Variants in ATF7IP2 observed in about 807,000 individuals in gnomAD.
The protein encoded by ATF7IP2 is activating transcription factor 7 interacting protein 2.
Under a neutral mutation model 64.2 loss-of-function variants are expected in ATF7IP2, and 42 were observed. The ratio of observed to expected loss-of-function variants is 0.65; its 90% CI spans 0.51 to 0.85. ATF7IP2 has a LOEUF of 0.85. ATF7IP2 is among the 40% of genes least tolerant of loss of function. The pLI is 0.00. For synonymous variants in ATF7IP2, 308 were observed against 272.8 expected (o/e 1.13, Z -1.27); for missense variants, 933 against 784.2 (o/e 1.19, Z -2.27).
intron 1 of ATF7IP2, among the ~76,000 whole-genome samples, chr16:10,411,840 G>T (rs1169550550): frequency 1.3e-5 from 2 of 149,776 alleles, no homozygotes; most frequent in African/African-American, 4.9e-5. Context: ...AGCCTTGAAT[G>T]ATCTTTTATA....
In ATF7IP2 at chr16:10,388,873, G is replaced by A. The variant is rs572552556; in HGVS notation, c.-242+2751G>A. Reference sequence around the variant, plus strand: ...AAAAATACAAAAAAATTAGCCGGGCGTGGTGGCCGGCGCCTGTAGTCCCAG... The same window carrying A: ...AAAAATACAAAAAAATTAGCCGGGCATGGTGGCCGGCGCCTGTAGTCCCAG... On this transcript the variant is annotated intron_variant, in intron 1 of 13. Coordinates refer to ENST00000562102, the MANE Select transcript of ATF7IP2 (RefSeq NM_001393719.1). Among the ~76,000 whole-genome samples, 9 of 152,230 alleles carry A rather than the reference G, an allele frequency of 5.9e-5. No homozygotes were observed. The South Asian group carries it at 1.7e-3, about 28-fold the overall frequency.
chr16:10,418,189 A>G (rs1378245104), intron 2 of ATF7IP2, among the ~76,000 whole-genome samples: 1 of 152,238 alleles, frequency 6.6e-6, no homozygotes, highest in East Asian at 1.9e-4. Context: ...TGCAGCAGGT[A>G]TATGTCCTTA....
rs552805795 is a variant in ATF7IP2, at chr16:10,459,944, CG to C, written c.1352+2420del. On this transcript the variant is annotated intron_variant, in intron 9 of 13. Coordinates refer to ENST00000562102, the MANE Select transcript of ATF7IP2 (RefSeq NM_001393719.1). ...AGCTAATGCAAGAATGCCAAAAAAT[CG>C]GGGGAAAAGGAAAAATACAAAGTAT... Among the ~76,000 whole-genome samples, 212 of 151,572 alleles carry C rather than the reference CG, an allele frequency of 1.4e-3. 1 individual carries two copies. In the South Asian group the frequency reaches 0.021, roughly 15 times the overall value.
At chr16:10,404,838 C>T (rs953192974) in intron 1 of ATF7IP2, among the ~76,000 whole-genome samples, 3 of 151,930 alleles carry the variant, frequency 2.0e-5, no homozygotes, top group Non-Finnish European at 2.9e-5. Flanking sequence ...CCAGTGGGCC[C>T]AACCAGAAGT....
intron 12 of ATF7IP2, among the ~76,000 whole-genome samples, chr16:10,476,903 G>A (rs979042004): frequency 2.6e-5 from 4 of 152,054 alleles, no homozygotes; most frequent in African/African-American, 4.8e-5. Context: ...GTCTATCATT[G>A]ATGGGCTTTT....
chr16:10,440,295 TTACCCTC>T, intron 7 of ATF7IP2, 62 bp from the exon 8 acceptor site: 1 of 708,700 alleles, frequency 1.4e-6, no homozygotes. Context: ...GGCAAATAAT[TTACCCTC>T]TATCTCTATG....
chr16:10,421,745 G>A (rs2047992147), intron 3 of ATF7IP2, among the ~76,000 whole-genome samples: 1 of 152,250 alleles, frequency 6.6e-6, no homozygotes, highest in Non-Finnish European at 1.5e-5. Context: ...ATGTAACACT[G>A]TGGACATTTT....
rs554130288 is a variant in ATF7IP2 at position 10,482,830 on chromosome 16, A to T, written c.*581A>T. 1.3e-5 allele frequency: 2 copies of T among 152,036 alleles called. No homozygotes were observed. Among genetic ancestry groups the T allele is most frequent in the Non-Finnish European group, 2.9e-5 (2 of 68,042 alleles). The allele number at this position is 152,036 out of a possible 1,614,324, so 9.4% of individuals were successfully genotyped here. A position where few individuals can be genotyped will look rare whatever the true frequency, so the allele number is the denominator to read the frequency against. ...TCTCCCTGGTTCAAGCAATTCTCCT[A>T]TGTCAGCCTCCCAAGTAGCTGGGAC... On this transcript the variant is annotated 3_prime_UTR_variant, in exon 14 of 14. Transcript: ENST00000562102.
chr16:10,425,090 C>T (rs904747448), intron 3 of ATF7IP2, among the ~76,000 whole-genome samples: 5 of 142,370 alleles, frequency 3.5e-5, no homozygotes, highest in African/African-American at 1.3e-4. Flanking sequence ...CAGAGTTTCA[C>T]TCCTGTTGAC....
At chr16:10,479,949 CT>C (rs1474768483) in intron 12 of ATF7IP2, among the ~76,000 whole-genome samples, 1 of 128,522 alleles carries the variant, frequency 7.8e-6, no homozygotes, top group African/African-American at 2.8e-5. Context: ...TGATTTAGAA[CT>C]GGAAATACTT....
chr16:10,441,672 A>G (rs1175038190), intron 8 of ATF7IP2, among the ~76,000 whole-genome samples: 3 of 152,146 alleles, frequency 2.0e-5, no homozygotes, highest in Non-Finnish European at 4.4e-5. Flanking sequence ...AGATTGCAAA[A>G]ATTTTCTCCC....
At chr16:10,435,524 AGGTT>A in intron 6 of ATF7IP2, among the ~76,000 whole-genome samples, 1 of 152,180 alleles carries the variant, frequency 6.6e-6, no homozygotes, top group African/African-American at 2.4e-5. Context: ...TATTTGATGG[AGGTT>A]ATTGTGTCTT....
In ATF7IP2 at chr16:10,482,997, A is replaced by T. The variant is rs1282335637; in HGVS notation, c.*748A>T. ...CCGAAGTGCTGGGATTATAGGCGTA[A>T]GCCACCATGCCTGGCCAAAAATTAA... On this transcript the variant is annotated 3_prime_UTR_variant, in exon 14 of 14. Coordinates refer to ENST00000562102, the MANE Select transcript of ATF7IP2 (RefSeq NM_001393719.1). The T allele has an allele frequency of 6.6e-6, 1 of 152,238 alleles. No individual in the cohort carries two copies. The highest frequency in any genetic ancestry group is 2.4e-5 in the African/African-American group (1 of 41,468). The allele number at this position is 152,238 out of a possible 1,614,324, so 9.4% of individuals were successfully genotyped here.
intron 6 of ATF7IP2, among the ~76,000 whole-genome samples, chr16:10,436,311 G>A (rs1006237447): frequency 3.9e-5 from 6 of 152,108 alleles, no homozygotes; most frequent in Admixed American, 6.6e-5. Context: ...GCAGTGAGCC[G>A]GGATCACGCT....
intron 3 of ATF7IP2, among the ~76,000 whole-genome samples, chr16:10,423,241 CAAAT>C (rs989909125): frequency 3.9e-5 from 6 of 151,944 alleles, no homozygotes; most frequent in Non-Finnish European, 7.4e-5. Context: ...GAGACTCCAT[CAAAT>C]AAATAAATAA....
chr16:10,434,863 T>A (rs2048367132), intron 6 of ATF7IP2, among the ~76,000 whole-genome samples: 1 of 152,204 alleles, frequency 6.6e-6, no homozygotes, highest in South Asian at 2.1e-4. Context: ...AGTGGCACAG[T>A]CTCGGCTCAG....
rs536261995 is a variant in ATF7IP2 at position 10,459,511 on chromosome 16, G to C, written c.1352+1982G>C. Among the ~76,000 whole-genome samples, 28 of 151,672 alleles carry C rather than the reference G, an allele frequency of 1.8e-4. No individual in the cohort carries two copies. The South Asian group carries it at 5.2e-3, about 28-fold the overall frequency. On this transcript the variant is annotated intron_variant, in intron 9 of 13. Transcript: ENST00000562102. ...AAAAATACAAAATTAGCTGGGCATG[G>C]TGGTGCATGCCTGTAATTCCAGCTA...
At chr16:10,389,921 T>TA (rs2047288467) in intron 1 of ATF7IP2, among the ~76,000 whole-genome samples, 1 of 152,234 alleles carries the variant, frequency 6.6e-6, no homozygotes, top group South Asian at 2.1e-4. Context: ...ATATAACTCT[T>TA]AAAGGGCCCT....
At chr16:10,446,953 G>A (rs560127785) in intron 8 of ATF7IP2, 1 of 152,058 alleles carries the variant, frequency 6.6e-6, no homozygotes, top group South Asian at 2.1e-4. Context: ...CCAACCACTG[G>A]AGGTTTCTCG....
Sources: allele counts gnomAD v4.1 joint callset (sites outside exome capture counted in the v4.1 genomes callset), GRCh38; gene constraint gnomAD v4.1.1; transcripts MANE v1.5; gene names NCBI Gene and HGNC (gene_info 2026-07-23, HGNC 2026-07-21).